The following CCDC33 variants were observed in gnomAD, a reference collection of about 807,000 sequenced individuals.
CCDC33 encodes the protein coiled-coil domain-containing protein 33.
A neutral mutation model predicts 91.9 loss-of-function variants in CCDC33; 94 were observed. The ratio of observed to expected loss-of-function variants is 1.02; its 90% CI spans 0.87 to 1.21. The LOEUF (loss-of-function observed/expected upper bound fraction) is 1.21, where lower values mean the gene tolerates loss of function less well. Ranked by LOEUF, CCDC33 falls within the 50% of genes most tolerant of loss-of-function variation. The pLI is 0.00. For missense variants in CCDC33, 940 were observed against 935.5 expected (o/e 1.00, Z -0.06); for synonymous variants, 396 against 374.5 (o/e 1.06, Z -0.66).
At chr15:74,245,449 G>T (rs1419082818) in intron 2 of CCDC33, among the ~76,000 whole-genome samples, 1 of 152,232 alleles carries the variant, frequency 6.6e-6, no homozygotes, top group Non-Finnish European at 1.5e-5. Flanking sequence ...AGCAGGCTTG[G>T]CAGGGAGGCT....
chr15:74,249,402 G>A (rs2075633489), intron 2 of CCDC33, among the ~76,000 whole-genome samples: 1 of 151,972 alleles, frequency 6.6e-6, no homozygotes, highest in Non-Finnish European at 1.5e-5. Flanking sequence ...GCAGGAGAAT[G>A]GCGTAAATCC....
chr15:74,295,674 G>A, intron 10 of CCDC33, 80 bp from the exon 11 acceptor site: 2 of 1,225,868 alleles, frequency 1.6e-6, no homozygotes, highest in East Asian at 2.4e-5. Context: ...GAGAGGCTTG[G>A]GGTGTAGATG....
intron 10 of CCDC33, among the ~76,000 whole-genome samples, chr15:74,291,824 C>T (rs1021276056): frequency 1.3e-5 from 2 of 152,204 alleles, no homozygotes; most frequent in African/African-American, 4.8e-5. Flanking sequence ...CCTGTGATGC[C>T]ATTGGCCTGG....
Position 74,296,825 on chromosome 15 carries a change from G to T in CCDC33, c.1290+877G>T, listed in dbSNP as rs563120735. The stretch of plus-strand genomic sequence containing the variant: ...TCAGCCCTCGATGCAGAGAGCTAAA[G>T]AATGGGCTACCAAAGAGACAGTCCA... On this transcript the variant is annotated intron_variant, in intron 11 of 18. Coordinates refer to ENST00000398814, the MANE Select transcript of CCDC33 (RefSeq NM_025055.5). Among the ~76,000 whole-genome samples, 13 of 152,302 alleles carry T rather than the reference G, an allele frequency of 8.5e-5. No individual in the cohort carries two copies. The East Asian group carries it at 2.3e-3, about 27-fold the overall frequency.
upstream of CCDC33, among the ~76,000 whole-genome samples, chr15:74,215,796 G>A (rs573390300): frequency 4.0e-5 from 6 of 151,638 alleles, no homozygotes; most frequent in South Asian, 2.1e-4. Context: ...GCTTGAACCC[G>A]GGAGGCAGAG....
rs1365977339 is a variant in CCDC33 at position 74,218,143 on chromosome 15, G to A, written c.311-354G>A. Among the ~76,000 whole-genome samples, 5 of 152,182 alleles carry A rather than the reference G, an allele frequency of 3.3e-5. No homozygotes were observed. The highest frequency in any genetic ancestry group is 6.5e-5 in the Admixed American group (1 of 15,284). On this transcript the variant is annotated intron_variant, in intron 1 of 2. Coordinates refer to the CCDC33 transcript ENST00000635913. This position sits in a 1 kb window ranked among gnomAD's most constrained non-coding sequence, Gnocchi z 4.8. ...CTGCCTGGAGGAGGAGGGATGTGAG[G>A]GAACAGGGAAACCAAGTCCCAGACT...
intron 9 of CCDC33, 38 bp downstream of exon 9, chr15:74,280,839 C>T (rs762884605): frequency 1.4e-6 from 2 of 1,414,796 alleles, no homozygotes; most frequent in South Asian, 1.7e-5. Context: ...CTAGCGTGCC[C>T]ACCTGGCCCC....
At position 74,249,138 on chromosome 15, in the gene CCDC33, A is replaced by G. The variant is rs115124455; in HGVS notation, c.185+4990A>G. 7.9e-3 allele frequency among the ~76,000 whole-genome samples: 1,201 copies of G among 152,262 alleles called. 13 individuals carry two copies. Among genetic ancestry groups the G allele is most frequent in the African/African-American group, 0.028 (1,154 of 41,554 alleles). On this transcript the variant is annotated intron_variant, in intron 2 of 18. Transcript: ENST00000398814. ...CTAAAATGAAAGTTTATTAGTCTGC[A>G]AAATAGCTCATTTTGTCTGTTTTTA...
chr15:74,225,035 C>T (rs1390573922), intron 2 of CCDC33, among the ~76,000 whole-genome samples: 2 of 152,086 alleles, frequency 1.3e-5, no homozygotes, highest in Non-Finnish European at 1.5e-5. Flanking sequence ...ACCGAACACA[C>T]CAGATGGCCC....
intron 10 of CCDC33, among the ~76,000 whole-genome samples, chr15:74,285,870 A>G: frequency 6.6e-6 from 1 of 152,228 alleles, no homozygotes; most frequent in East Asian, 1.9e-4. Context: ...ATGTACACTC[A>G]TATACAAAAA....
intron 2 of CCDC33, among the ~76,000 whole-genome samples, chr15:74,220,957 G>T (rs1301447141): frequency 6.6e-6 from 1 of 152,208 alleles, no homozygotes; most frequent in Non-Finnish European, 1.5e-5. Context: ...CAAAGGCACA[G>T]CTGGAAGGAC....
chr15:74,279,187 T>C (rs1472529700), intron 7 of CCDC33, among the ~76,000 whole-genome samples: 2 of 152,226 alleles, frequency 1.3e-5, no homozygotes, highest in East Asian at 1.9e-4. Context: ...CATGAAGATA[T>C]GTAGCAGAGA....
chr15:74,324,740 C>T (rs1035533471), intron 11 of CCDC33, among the ~76,000 whole-genome samples: 3 of 151,372 alleles, frequency 2.0e-5, no homozygotes, highest in African/African-American at 7.3e-5. Context: ...CACTGCTGGC[C>T]TCCTGCACCT....
chr15:74,209,644 G>A, intron 2 of CCDC33: 1 of 578,038 alleles, frequency 1.7e-6, no homozygotes. Flanking sequence ...TTCACCCCAA[G>A]TACATGCCTG....
chr15:74,271,590 G>A, intron 5 of CCDC33, 113 bp from the exon 6 acceptor site: 1 of 711,540 alleles, frequency 1.4e-6, no homozygotes, highest in Non-Finnish European at 2.5e-6. Context: ...CAAGTGTGGA[G>A]GCAGCCATGA....
chr15:74,335,789 G>C, intron 18 of CCDC33, 136 bp from the exon 19 acceptor site: 1 of 711,490 alleles, frequency 1.4e-6, no homozygotes, highest in Non-Finnish European at 2.4e-6. Context: ...GGCAAAATGG[G>C]TTTAGAAATC....
chr15:74,252,222 G>T (rs1284953411), intron 2 of CCDC33, among the ~76,000 whole-genome samples: 1 of 152,208 alleles, frequency 6.6e-6, no homozygotes, highest in African/African-American at 2.4e-5. Flanking sequence ...CAGAGAAGAT[G>T]CAGTGACTAG....
At chr15:74,298,580 T>C (rs1400850544) in intron 11 of CCDC33, among the ~76,000 whole-genome samples, 2 of 152,124 alleles carry the variant, frequency 1.3e-5, no homozygotes, top group African/African-American at 2.4e-5. Context: ...GCTCTTGTTA[T>C]CCAGGCTGGA....
At chr15:74,208,160 G>T in intron 1 of CCDC33, 1 of 748,254 alleles carries the variant, frequency 1.3e-6, no homozygotes, top group Non-Finnish European at 1.8e-6. Context: ...CTCCCAGAGG[G>T]CTAGGCTAGT....
Sources: allele counts gnomAD v4.1 joint callset (sites outside exome capture counted in the v4.1 genomes callset), GRCh38; gene constraint gnomAD v4.1.1; non-coding constraint Gnocchi (gnomAD v3.1); transcripts MANE v1.5; gene names NCBI Gene and HGNC (gene_info 2026-07-23, HGNC 2026-07-21).